The following TH variants were observed in gnomAD, a reference collection of about 807,000 sequenced individuals.
TH encodes the protein tyrosine hydroxylase.
A neutral mutation model predicts 57.4 loss-of-function variants in TH; 49 were observed. The observed-to-expected ratio is 0.85, with a 90% CI of 0.68 to 1.08. TH has a LOEUF of 1.08. Ranked by LOEUF, TH falls within the 50% of genes least tolerant of loss-of-function variation. TH has a pLI of 0.00. For synonymous variants in TH, 330 were observed against 304.5 expected (o/e 1.08, Z -0.87); for missense variants, 720 against 696.7 (o/e 1.03, Z -0.38).
At chr11:2,165,471 C>G (rs1295345669) in intron 11 of TH, 106 bp from the exon 12 acceptor site, 26 of 1,530,892 alleles carry the variant, frequency 1.7e-5, no homozygotes, top group Non-Finnish European at 2.2e-5. Context: ...AGAGTCACCC[C>G]CATCTCCCCC....
At chr11:2,168,846 C>T in intron 2 of TH, 181 bp from the exon 3 acceptor site, 1 of 771,928 alleles carries the variant, frequency 1.3e-6, no homozygotes, top group Non-Finnish European at 2.1e-6. Flanking sequence ...GCCACCAGGC[C>T]AGGGTTTGCC....
rs764429855 is a variant in TH, at chr11:2,168,627, G to A, written c.351C>T (p.Pro117=). The A allele has an allele frequency of 1.7e-5, 28 of 1,611,848 alleles. No homozygotes were observed. In the East Asian group the frequency reaches 2.0e-4, roughly 12 times the overall value. The change falls in exon 3 of 13, where the codon CCC becomes CCT. Residue 117 remains proline, a synonymous_variant. Coordinates refer to ENST00000352909, the MANE Select transcript of TH (RefSeq NM_000360.4). ...GGCCCCCAGCTCGCGGCCTCTGGGC[G>A]GGCCGGGTCTCTAGATGGTGGATTT... ...EAKIHHLETR[P]AQRPRAGGPH...
At position 2,170,621 on chromosome 11, in the gene TH, T is replaced by G; in HGVS notation, c.91-750A>C. ...TGTAAGAGAAGAATCAGCTTCATCCTGAGCTTCCAGGGTTGTGGAACATGA... is the reference window on the plus strand; with the variant it reads ...TGTAAGAGAAGAATCAGCTTCATCCGGAGCTTCCAGGGTTGTGGAACATGA... On this transcript the variant is annotated intron_variant, in intron 1 of 12. Transcript: ENST00000352909. The surrounding 1 kb of genome is among the most constrained non-coding windows in gnomAD (Gnocchi z 6.0). The G allele has an allele frequency of 3.7e-6, 5 of 1,352,278 alleles. No individual in the cohort carries two copies. The highest frequency in any genetic ancestry group is 5.2e-6 in the Non-Finnish European group (5 of 962,328). The allele number at this position is 1,352,278 out of a possible 1,614,324, so 83.8% of individuals were successfully genotyped here.
chr11:2,169,666 G>C lies in TH; in HGVS notation c.296C>G (p.Ala99Gly). ...RATKPSALSRAVKVFETFEAK... is the reference protein window; with the variant it reads ...RATKPSALSRGVKVFETFEAK... Reference sequence around the variant, plus strand: ...CCAGCTCACCTCAAACACCTTCACAGCTCGGGACAGCGCCGAGGGCTTGGT... The same window carrying C: ...CCAGCTCACCTCAAACACCTTCACACCTCGGGACAGCGCCGAGGGCTTGGT... The change falls in exon 2 of 13, where the codon GCT becomes GGT. Residue 99 changes from alanine (A) to glycine (G), a missense_variant. By Grantham distance (60) the Ala-to-Gly change is moderately conservative (BLOSUM62 0). Coordinates refer to ENST00000352909, the MANE Select transcript of TH (RefSeq NM_000360.4). The C allele has an allele frequency of 1.2e-6, 2 of 1,613,540 alleles. No individual in the cohort carries two copies. Among genetic ancestry groups the C allele is most frequent in the Non-Finnish European group, 8.5e-7 (1 of 1,179,968 alleles).
At chr11:2,168,930 C>T (rs548140304) in intron 2 of TH, among the ~76,000 whole-genome samples, 120 of 152,260 alleles carry the variant, frequency 7.9e-4, no homozygotes, top group African/African-American at 2.8e-3. Flanking sequence ...TGGTTCTGGG[C>T]GGCTCGGTGT....
At position 2,171,263 on chromosome 11, in the gene TH, G is replaced by A. The variant is rs972286191; in HGVS notation, c.90+434C>T. 3.9e-5 allele frequency among the ~76,000 whole-genome samples: 6 copies of A among 152,018 alleles called. No individual in the cohort carries two copies. Among genetic ancestry groups the A allele is most frequent in the African/African-American group, 1.4e-4 (6 of 41,392 alleles). ...TTGGGGCTGCCTCCCCAAGCAGGCA[G>A]GCTGGTTGGGGTGCTGACTAGGGCA... On this transcript the variant is annotated intron_variant, in intron 1 of 12. Transcript: ENST00000352909. The surrounding 1 kb of genome is among the most constrained non-coding windows in gnomAD (Gnocchi z 8.6).
In TH at chr11:2,167,443, A is replaced by G; in HGVS notation, c.687T>C (p.Ile229=). Reference sequence around the variant, plus strand: ...CTGCACGGAGGTCTCACCAGGTGGCAATCTCCTCGGCGGTGTACTCCACAC... The same window carrying G: ...CTGCACGGAGGTCTCACCAGGTGGCGATCTCCTCGGCGGTGTACTCCACAC... ...IPRVEYTAEE[I]ATWKEVYTTL... The change falls in exon 6 of 13, where the codon ATT becomes ATC. Residue 229 remains isoleucine, a synonymous_variant. Coordinates refer to ENST00000352909, the MANE Select transcript of TH (RefSeq NM_000360.4). 1.3e-6 allele frequency: 2 copies of G among 1,562,532 alleles called. No homozygotes were observed. The highest frequency in any genetic ancestry group is 8.7e-7 in the Non-Finnish European group (1 of 1,153,398).
chr11:2,168,372 C>A (rs1445112744), intron 3 of TH, 119 bp downstream of exon 3: 2 of 1,453,612 alleles, frequency 1.4e-6, no homozygotes, highest in African/African-American at 2.8e-5. Context: ...GGAGTGGAGC[C>A]CGCAGAGAGG....
At chr11:2,168,740 G>GGT in intron 2 of TH, 75 bp from the exon 3 acceptor site, 1 of 448,222 alleles carries the variant, frequency 2.2e-6, no homozygotes, top group Non-Finnish European at 4.5e-6. Context: ...GGGTGGGCGG[G>GGT]GAGGAGGCAC....
Position 2,171,580 on chromosome 11 carries a change from G to A in TH, c.90+117C>T, listed in dbSNP as rs923426158. 8.7e-7 allele frequency: 1 copy of A among 1,146,054 alleles called. No individual in the cohort carries two copies. Among genetic ancestry groups the A allele is most frequent in the Non-Finnish European group, 1.3e-6 (1 of 785,722 alleles). 71.0% of individuals were successfully genotyped at this position (1,146,054 alleles called of 1,614,324 possible). A position where few individuals can be genotyped will look rare whatever the true frequency, so the allele number is the denominator to read the frequency against. ...TCCACATCCACGCCGCGTCCCAGGG[G>A]TTTGCATGGACCCTGAGCCTGGGGC... On this transcript the variant is annotated intron_variant, in intron 1 of 12. Coordinates refer to ENST00000352909, the MANE Select transcript of TH (RefSeq NM_000360.4). The surrounding 1 kb of genome is among the most constrained non-coding windows in gnomAD (Gnocchi z 8.6).
intron 9 of TH, 68 bp from the exon 10 acceptor site, chr11:2,166,126 G>C: frequency 1.5e-5 from 23 of 1,513,052 alleles, no homozygotes; most frequent in Non-Finnish European, 1.9e-5. Flanking sequence ...GGGGGCACCG[G>C]GGGTGTCAGC....
rs141805838 is a variant in TH at position 2,165,520 on chromosome 11, A to G, written c.1200+148T>C. Reference sequence around the variant, plus strand: ...AGGCCTGGGATAATGTGGGGTGAGGACTGGGCAGAGACAAGCCTTCTCCCA... The same window carrying G: ...AGGCCTGGGATAATGTGGGGTGAGGGCTGGGCAGAGACAAGCCTTCTCCCA... On this transcript the variant is annotated intron_variant, in intron 11 of 12. Coordinates refer to ENST00000352909, the MANE Select transcript of TH (RefSeq NM_000360.4). The G allele has an allele frequency of 1.4e-3, 1,877 of 1,365,746 alleles. 6 individuals carry two copies. Among genetic ancestry groups the G allele is most frequent in the Non-Finnish European group, 1.3e-3 (1,284 of 977,696 alleles). 84.6% of individuals were successfully genotyped at this position (1,365,746 alleles called of 1,614,324 possible).
At chr11:2,165,526 C>A in intron 11 of TH, 142 bp downstream of exon 11, 1 of 1,351,422 alleles carries the variant, frequency 7.4e-7, no homozygotes, top group Non-Finnish European at 1.0e-6. Flanking sequence ...GAGGACTGGG[C>A]AGAGACAAGC....
At chr11:2,169,899 C>T (rs1159073043) in intron 1 of TH, 28 bp from the exon 2 acceptor site, 5 of 1,595,836 alleles carry the variant, frequency 3.1e-6, no homozygotes, top group Admixed American at 1.7e-5. Flanking sequence ...ACCCATGCCT[C>T]CTCCACCTGC....
At chr11:2,167,604 G>T in intron 5 of TH, 119 bp from the exon 6 acceptor site, 1 of 1,301,434 alleles carries the variant, frequency 7.7e-7, no homozygotes, top group Non-Finnish European at 1.1e-6. Flanking sequence ...CCTTTGGGTT[G>T]GAGGATGGAC....
chr11:2,164,146 C>A lies in TH; in HGVS notation c.*87G>T. The A allele has an allele frequency of 8.0e-7, 1 of 1,250,134 alleles. No individual in the cohort carries two copies. Among genetic ancestry groups the A allele is most frequent in the Non-Finnish European group, 1.0e-6 (1 of 975,260 alleles). 77.4% of individuals were successfully genotyped at this position (1,250,134 alleles called of 1,614,324 possible). ...CAGCAGGGAGGGCATGGGGGGCACCCGGGACCCAGCCCCTCACCAGGGCCT... is the reference window on the plus strand; with the variant it reads ...CAGCAGGGAGGGCATGGGGGGCACCAGGGACCCAGCCCCTCACCAGGGCCT... On this transcript the variant is annotated 3_prime_UTR_variant, in exon 13 of 13. Coordinates refer to ENST00000352909, the MANE Select transcript of TH (RefSeq NM_000360.4).
At chr11:2,165,926 G>A (rs1399249597) in intron 10 of TH, 76 bp downstream of exon 10, 1 of 1,522,576 alleles carries the variant, frequency 6.6e-7, no homozygotes, top group Admixed American at 2.0e-5. Flanking sequence ...GCCTCAGCCT[G>A]GACGGCAAGA....
intron 12 of TH, among the ~76,000 whole-genome samples, chr11:2,164,987 C>T (rs987270589): frequency 2.0e-5 from 3 of 152,214 alleles, no homozygotes; most frequent in African/African-American, 7.2e-5. Context: ...TCTGTCAGCA[C>T]CTCCAAGACT....
chr11:2,165,429 C>T lies in TH; in HGVS notation c.1201-64G>A, dbSNP rs529543380. 1.1e-4 allele frequency: 179 copies of T among 1,599,718 alleles called. 1 individual carries two copies. The Middle Eastern group carries it at 1.2e-3, about 11-fold the overall frequency. On this transcript the variant is annotated intron_variant, in intron 11 of 12. Coordinates refer to ENST00000352909, the MANE Select transcript of TH (RefSeq NM_000360.4). Reference sequence around the variant, plus strand: ...CCAGGTCCCCGAGGGAACTGGGGCACCGTGGCCTGACGCTGGGTGGGTTCC... The same window carrying T: ...CCAGGTCCCCGAGGGAACTGGGGCATCGTGGCCTGACGCTGGGTGGGTTCC...
Sources: gnomAD v4.1 joint callset for allele counts (sites outside exome capture counted in the v4.1 genomes callset) on GRCh38, gnomAD v4.1.1 for gene constraint, Gnocchi (gnomAD v3.1) non-coding constraint, MANE v1.5 for transcripts, NCBI Gene and HGNC (gene_info 2026-07-23, HGNC 2026-07-21) for gene names.